Variants in ADAMTS12 observed in about 807,000 individuals in gnomAD.
ADAMTS12 encodes A disintegrin and metalloproteinase with thrombospondin motifs 12.
Under a neutral mutation model 167.8 loss-of-function variants are expected in ADAMTS12, and 118 were observed. The observed-to-expected ratio is 0.70, with a 90% CI of 0.61 to 0.82. The LOEUF is 0.82. Ranked by LOEUF, ADAMTS12 falls within the 40% of genes least tolerant of loss-of-function variation. The pLI, the probability that ADAMTS12 is intolerant of heterozygous loss-of-function variation, is 0.00. For synonymous variants in ADAMTS12, 704 were observed against 716.9 expected, an observed-to-expected ratio of 0.98 and a Z score of 0.29; for missense variants, 1,916 against 1,998.8, an observed-to-expected ratio of 0.96 and a Z score of 0.79.
chr5:33,609,716 CAG>C (rs1214613316), intron 16 of ADAMTS12, among the ~76,000 whole-genome samples: 2 of 152,308 alleles, frequency 1.3e-5, no homozygotes, highest in Admixed American at 6.5e-5. Flanking sequence ...AAGACTAGAA[CAG>C]AGACTTGCAA....
At chr5:33,731,190 C>CTTA (rs1744182214) in intron 3 of ADAMTS12, among the ~76,000 whole-genome samples, 1 of 144,506 alleles carries the variant, frequency 6.9e-6, no homozygotes, top group South Asian at 2.2e-4. Context: ...TCTTTCTTTT[C>CTTA]TTTTTTTTTT....
chr5:33,814,250 T>C (rs1747567018), intron 2 of ADAMTS12, among the ~76,000 whole-genome samples: 1 of 152,220 alleles, frequency 6.6e-6, no homozygotes, highest in South Asian at 2.1e-4. Flanking sequence ...CTGAAATTCA[T>C]CTGGAACTGA....
intron 13 of ADAMTS12, among the ~76,000 whole-genome samples, chr5:33,626,508 G>T (rs1413006247): frequency 6.6e-6 from 1 of 151,622 alleles, no homozygotes; most frequent in Non-Finnish European, 1.5e-5. Context: ...GATGGTAGTG[G>T]TGGTAATGTG....
chr5:33,560,403 C>A (rs1233272138), intron 20 of ADAMTS12, among the ~76,000 whole-genome samples: 1 of 152,108 alleles, frequency 6.6e-6, no homozygotes, highest in Non-Finnish European at 1.5e-5. Context: ...ACCGTTTGAC[C>A]CAGCCATCCC....
In ADAMTS12 at chr5:33,666,587, G is replaced by C. The variant is rs549113455; in HGVS notation, c.916-4547C>G. On this transcript the variant is annotated intron_variant, in intron 5 of 23. Coordinates refer to ENST00000504830, the MANE Select transcript of ADAMTS12 (RefSeq NM_030955.4). ...AGCTCACTGCAACCTCCACCTCCCAGGTTCAAGGGATTCTCCTGCCTCAGC... is the reference window on the plus strand; with the variant it reads ...AGCTCACTGCAACCTCCACCTCCCACGTTCAAGGGATTCTCCTGCCTCAGC... 7.9e-5 allele frequency among the ~76,000 whole-genome samples: 12 copies of C among 152,188 alleles called. No individual in the cohort carries two copies. The East Asian group carries it at 1.4e-3, about 17-fold the overall frequency.
intron 3 of ADAMTS12, among the ~76,000 whole-genome samples, chr5:33,716,096 A>C (rs1431449005): frequency 2.0e-5 from 3 of 152,114 alleles, no homozygotes; most frequent in Non-Finnish European, 1.5e-5. Context: ...CTGAATCCCC[A>C]GTGCAGAGGT....
At chr5:33,670,501 G>C (rs1335581455) in intron 5 of ADAMTS12, among the ~76,000 whole-genome samples, 1 of 152,162 alleles carries the variant, frequency 6.6e-6, no homozygotes, top group Non-Finnish European at 1.5e-5. Flanking sequence ...CAGCACTTTG[G>C]GAGGCTGAGA....
chr5:33,643,196 C>A (rs1370471413), intron 10 of ADAMTS12, among the ~76,000 whole-genome samples, 182 bp downstream of exon 10: 1 of 152,216 alleles, frequency 6.6e-6, no homozygotes, highest in Non-Finnish European at 1.5e-5. Flanking sequence ...TAACTACCTG[C>A]TCCCAAAGCA....
At chr5:33,829,349 A>AT (rs550350226) in intron 2 of ADAMTS12, among the ~76,000 whole-genome samples, 1 of 151,890 alleles carries the variant, frequency 6.6e-6, no homozygotes, top group Non-Finnish European at 1.5e-5. Flanking sequence ...TGCATACTCT[A>AT]TTTTTTCCCT....
chr5:33,781,410 A>C (rs1201164215), intron 2 of ADAMTS12, among the ~76,000 whole-genome samples: 1 of 152,180 alleles, frequency 6.6e-6, no homozygotes, highest in East Asian at 1.9e-4. Flanking sequence ...GCCTGTTCTG[A>C]TTCAGAATAT....
chr5:33,636,710 C>A (rs1740212857), intron 12 of ADAMTS12, among the ~76,000 whole-genome samples: 1 of 152,178 alleles, frequency 6.6e-6, no homozygotes, highest in Admixed American at 6.6e-5. Context: ...ATTTGATTAG[C>A]TATTTTTTAC....
At chr5:33,616,155 T>G (rs1739002008) in intron 14 of ADAMTS12, 83 bp from the exon 15 acceptor site, 1 of 1,531,608 alleles carries the variant, frequency 6.5e-7, no homozygotes, top group African/African-American at 1.4e-5. Context: ...CTGTTAATCC[T>G]CTTTCCAGCC....
Position 33,728,473 on chromosome 5 carries a change from C to T in ADAMTS12, c.634+22931G>A, listed in dbSNP as rs1270959737. On this transcript the variant is annotated intron_variant, in intron 3 of 23. Coordinates refer to ENST00000504830, the MANE Select transcript of ADAMTS12 (RefSeq NM_030955.4). ...CTCTGCCACTTGCCTCCTTCAGACTCGCAAAGCCCTGTTCCTGGTGGCCCT... is the reference window on the plus strand; with the variant it reads ...CTCTGCCACTTGCCTCCTTCAGACTTGCAAAGCCCTGTTCCTGGTGGCCCT... Among the ~76,000 whole-genome samples, 8 of 152,308 alleles carry T rather than the reference C, an allele frequency of 5.3e-5. No individual in the cohort carries two copies. In the East Asian group the frequency reaches 1.5e-3, roughly 29 times the overall value.
chr5:33,683,197 G>A, intron 4 of ADAMTS12, 96 bp from the exon 5 acceptor site: 2 of 943,576 alleles, frequency 2.1e-6, no homozygotes, highest in Non-Finnish European at 3.2e-6. Flanking sequence ...TAAAATAAAG[G>A]TTTTCTTATA....
chr5:33,724,535 C>T (rs1743905786), intron 3 of ADAMTS12, among the ~76,000 whole-genome samples: 1 of 150,684 alleles, frequency 6.6e-6, no homozygotes, highest in Admixed American at 6.6e-5. Context: ...GTCATCAAGG[C>T]TAACAGCTTC....
At chr5:33,859,755 C>G (rs973283156) in intron 2 of ADAMTS12, among the ~76,000 whole-genome samples, 12 of 152,166 alleles carry the variant, frequency 7.9e-5, no homozygotes, top group African/African-American at 2.7e-4. Flanking sequence ...CCTCATACAG[C>G]AGAGCTCCAG....
intron 3 of ADAMTS12, among the ~76,000 whole-genome samples, chr5:33,699,446 C>T (rs2113011): frequency 4.4e-4 from 67 of 151,936 alleles, no homozygotes; most frequent in African/African-American, 1.5e-3. Flanking sequence ...AACCATAAAA[C>T]GTAAAATTAT....
intron 18 of ADAMTS12, among the ~76,000 whole-genome samples, chr5:33,582,265 C>A (rs1412124151): frequency 1.3e-5 from 2 of 152,182 alleles, no homozygotes; most frequent in Admixed American, 1.3e-4. Context: ...GGAACCCTGG[C>A]AGAGCACAGG....
intron 13 of ADAMTS12, among the ~76,000 whole-genome samples, chr5:33,624,931 T>C (rs1017896046): frequency 6.6e-6 from 1 of 152,250 alleles, no homozygotes; most frequent in African/African-American, 2.4e-5. Flanking sequence ...TCCTTTTTGA[T>C]CTTTAAAGAT....
Sources: gnomAD v4.1 joint callset for allele counts (sites outside exome capture counted in the v4.1 genomes callset) on GRCh38, gnomAD v4.1.1 for gene constraint, MANE v1.5 for transcripts, NCBI Gene and HGNC (gene_info 2026-07-23, HGNC 2026-07-21) for gene names.